Variants in EPB41L5 observed in about 807,000 individuals in gnomAD.
EPB41L5 encodes the protein band 4.1-like protein 5.
Under a neutral mutation model 106.6 loss-of-function variants are expected in EPB41L5, and 55 were observed. The ratio of observed to expected loss-of-function variants is 0.52; its 90% CI spans 0.42 to 0.65. EPB41L5 has a LOEUF of 0.65. Ranked by LOEUF, EPB41L5 falls within the 30% of genes least tolerant of loss-of-function variation. The pLI is 0.00. For missense variants in EPB41L5, 871 were observed against 882.1 expected (o/e 0.99, Z 0.16); for synonymous variants, 297 against 306.7 (o/e 0.97, Z 0.33).
intron 16 of EPB41L5, chr2:120,106,399 G>A: frequency 1.0e-6 from 1 of 985,204 alleles, no homozygotes; most frequent in Non-Finnish European, 1.2e-6. Flanking sequence ...GGATATATAT[G>A]TTGTTTCCAG....
At chr2:120,100,660 C>A in intron 15 of EPB41L5, 39 bp from the exon 16 acceptor site, 10 of 1,451,756 alleles carry the variant, frequency 6.9e-6, no homozygotes, top group Non-Finnish European at 9.7e-6. Flanking sequence ...GATCTGTTAT[C>A]GAGGCAAAAT....
intron 2 of EPB41L5, among the ~76,000 whole-genome samples, chr2:120,030,111 G>T (rs1436905471): frequency 6.6e-6 from 1 of 152,188 alleles, no homozygotes; most frequent in Non-Finnish European, 1.5e-5. Flanking sequence ...GTTCATTCCT[G>T]GGCGTAGGCC....
At chr2:120,165,391 G>GTGTT (rs1687348367) in intron 22 of EPB41L5, among the ~76,000 whole-genome samples, 2 of 152,104 alleles carry the variant, frequency 1.3e-5, no homozygotes, top group Admixed American at 1.3e-4. Flanking sequence ...AAATGGTGTA[G>GTGTT]TGTTTGCATA....
chr2:120,153,961 G>C (rs979971173), intron 20 of EPB41L5, among the ~76,000 whole-genome samples: 3 of 151,980 alleles, frequency 2.0e-5, no homozygotes, highest in Non-Finnish European at 4.4e-5. Context: ...CTCTACCATC[G>C]TAATTTTACT....
At chr2:120,039,072 G>A (rs887045733) in intron 2 of EPB41L5, among the ~76,000 whole-genome samples, 1 of 152,036 alleles carries the variant, frequency 6.6e-6, no homozygotes, top group Admixed American at 6.6e-5. Flanking sequence ...AGAAACAAGA[G>A]GACAAATATT....
intron 3 of EPB41L5, among the ~76,000 whole-genome samples, chr2:120,057,599 T>G (rs1680744852): frequency 6.6e-6 from 1 of 152,162 alleles, no homozygotes; most frequent in Non-Finnish European, 1.5e-5. Flanking sequence ...TCTGTTTAAA[T>G]CTTTAAGACA....
chr2:120,136,146 T>G (rs1382177155), intron 18 of EPB41L5, among the ~76,000 whole-genome samples: 1 of 150,078 alleles, frequency 6.7e-6, no homozygotes, highest in Non-Finnish European at 1.5e-5. Flanking sequence ...TTCTCTTTGC[T>G]TGTTAATTTT....
chr2:120,019,301 G>T, intron 2 of EPB41L5, 37 bp downstream of exon 2: 4 of 1,568,144 alleles, frequency 2.6e-6, no homozygotes, highest in African/African-American at 1.4e-5. Context: ...TTCTGTTTGC[G>T]ATTACTGTCT....
At chr2:120,048,971 C>T (rs565913528) in intron 3 of EPB41L5, among the ~76,000 whole-genome samples, 13 of 152,108 alleles carry the variant, frequency 8.5e-5, no homozygotes, top group South Asian at 2.1e-4. Context: ...TGTAGTTGAG[C>T]GGTTTTGAGT....
chr2:120,173,193 TACA>T (rs1687764628), intron 24 of EPB41L5, among the ~76,000 whole-genome samples: 1 of 152,224 alleles, frequency 6.6e-6, no homozygotes, highest in Admixed American at 6.5e-5. Context: ...TTTACATAAT[TACA>T]ACAAACACTG....
intron 14 of EPB41L5, among the ~76,000 whole-genome samples, chr2:120,094,036 C>G (rs1683587678): frequency 6.6e-6 from 1 of 152,096 alleles, no homozygotes; most frequent in Non-Finnish European, 1.5e-5. Context: ...GGCTGCAGTA[C>G]AGCAGCTTGA....
At chr2:120,081,093 G>A (rs964980486) in intron 10 of EPB41L5, among the ~76,000 whole-genome samples, 2 of 152,122 alleles carry the variant, frequency 1.3e-5, no homozygotes, top group Non-Finnish European at 2.9e-5. Context: ...CTTTTGCTGT[G>A]CAGAAGCTCT....
At chr2:120,076,320 T>C (rs1206851154) in intron 7 of EPB41L5, among the ~76,000 whole-genome samples, 1 of 151,802 alleles carries the variant, frequency 6.6e-6, no homozygotes, top group Non-Finnish European at 1.5e-5. Context: ...TTTGTTTTGT[T>C]TTTTTTTGAG....
intron 17 of EPB41L5, among the ~76,000 whole-genome samples, chr2:120,129,862 C>T (rs541697662): frequency 3.0e-4 from 45 of 152,226 alleles, no homozygotes; most frequent in African/African-American, 9.9e-4. Flanking sequence ...AAATAGGTTC[C>T]TGGCCAAGCA....
chr2:120,166,457 T>TG (rs59403380), intron 22 of EPB41L5, among the ~76,000 whole-genome samples: 94,696 of 149,618 alleles, frequency 0.63, 31,202 homozygotes, highest in Middle Eastern at 0.74. Flanking sequence ...TCAGATTTTG[T>TG]GGGTTTTTTT....
Position 120,104,248 on chromosome 2 carries a change from G to C in EPB41L5, c.1337+3434G>C, listed in dbSNP as rs780801462. On this transcript the variant is annotated intron_variant, in intron 16 of 24. Coordinates refer to ENST00000263713, the MANE Select transcript of EPB41L5 (RefSeq NM_020909.4). The stretch of plus-strand genomic sequence containing the variant: ...GCCATGACTGAGATATGAGTGTTGA[G>C]CCTCTTAGGCTTTGGGACTCTTTGT... 4 of 1,533,422 alleles carry C rather than the reference G, an allele frequency of 2.6e-6. No individual in the cohort carries two copies. The Admixed American group carries it at 7.9e-5, about 30-fold the overall frequency. 95.0% of individuals were successfully genotyped at this position (1,533,422 alleles called of 1,614,324 possible). A position where few individuals can be genotyped will look rare whatever the true frequency, so the allele number is the denominator to read the frequency against.
chr2:120,131,397 GAT>G (rs1238404584), intron 17 of EPB41L5, among the ~76,000 whole-genome samples: 4 of 152,188 alleles, frequency 2.6e-5, no homozygotes, highest in Non-Finnish European at 4.4e-5. Context: ...GAGTGCTGCA[GAT>G]ATAGGGTGGT....
chr2:120,016,220 A>C (rs374109247), intron 1 of EPB41L5, among the ~76,000 whole-genome samples: 1 of 152,266 alleles, frequency 6.6e-6, no homozygotes, highest in South Asian at 2.1e-4. Context: ...ACCTGAGGTC[A>C]GAAGTTTGAG....
At chr2:120,066,956 T>G (rs1253263590) in intron 3 of EPB41L5, among the ~76,000 whole-genome samples, 2 of 152,336 alleles carry the variant, frequency 1.3e-5, no homozygotes, top group East Asian at 3.9e-4. Flanking sequence ...AATTTTCTAC[T>G]GAAAGAAAAT....
Sources: gnomAD v4.1 joint callset for allele counts (sites outside exome capture counted in the v4.1 genomes callset) on GRCh38, gnomAD v4.1.1 for gene constraint, MANE v1.5 for transcripts, NCBI Gene and HGNC (gene_info 2026-07-23, HGNC 2026-07-21) for gene names.